The following SPAG16 variants were observed in gnomAD, a reference collection of about 807,000 sequenced individuals.
SPAG16 encodes the protein sperm-associated antigen 16 protein.
SPAG16 carries 86 observed loss-of-function variants against 80.4 expected under a neutral mutation model. The observed-to-expected ratio is 1.07, with a 90% CI of 0.90 to 1.28. SPAG16 has a LOEUF of 1.28. Ranked by LOEUF, SPAG16 falls within the 50% of genes most tolerant of loss-of-function variation. The pLI, the probability that SPAG16 is intolerant of heterozygous loss-of-function variation, is 0.00. For missense variants in SPAG16, 870 were observed against 765.3 expected, an observed-to-expected ratio of 1.14 and a Z score of -1.61; for synonymous variants, 294 against 265.9, an observed-to-expected ratio of 1.11 and a Z score of -1.03.
intron 12 of SPAG16, among the ~76,000 whole-genome samples, chr2:214,012,559 T>C (rs185819313): frequency 1.6e-3 from 241 of 151,918 alleles, no homozygotes; most frequent in African/African-American, 5.7e-3. Flanking sequence ...CCTCCCAAAG[T>C]GGTTGGATTA....
chr2:213,673,064 C>T (rs894543315), intron 10 of SPAG16, among the ~76,000 whole-genome samples: 5 of 151,894 alleles, frequency 3.3e-5, no homozygotes, highest in East Asian at 1.9e-4. Context: ...TAATAATGTG[C>T]GTGTGGATAT....
At chr2:214,317,984 A>G (rs1055851993) in intron 15 of SPAG16, among the ~76,000 whole-genome samples, 5 of 152,228 alleles carry the variant, frequency 3.3e-5, no homozygotes, top group African/African-American at 1.2e-4. Flanking sequence ...GGCAAAAAAG[A>G]ATTAGGATGT....
At chr2:213,709,089 A>T (rs2065873730) in intron 10 of SPAG16, among the ~76,000 whole-genome samples, 1 of 152,222 alleles carries the variant, frequency 6.6e-6, no homozygotes, top group Non-Finnish European at 1.5e-5. Context: ...AAAAGGTCCC[A>T]AACTATAATG....
chr2:213,746,661 G>A (rs1341938302), intron 10 of SPAG16, among the ~76,000 whole-genome samples: 1 of 152,106 alleles, frequency 6.6e-6, no homozygotes, highest in African/African-American at 2.4e-5. Flanking sequence ...ACAAAAATTA[G>A]CTGGGCGTGG....
intron 12 of SPAG16, among the ~76,000 whole-genome samples, chr2:213,938,795 T>C (rs2079088896): frequency 1.3e-5 from 2 of 152,092 alleles, no homozygotes; most frequent in Non-Finnish European, 2.9e-5. Flanking sequence ...AGCATTAAAC[T>C]AAATATTTTC....
intron 13 of SPAG16, among the ~76,000 whole-genome samples, chr2:214,027,336 G>A (rs1197086577): frequency 6.6e-6 from 1 of 151,466 alleles, no homozygotes; most frequent in Non-Finnish European, 1.5e-5. Flanking sequence ...TATTATCAAT[G>A]TATTATACAT....
Position 213,810,610 on chromosome 2 carries a change from A to T in SPAG16, c.1071-51875A>T, listed in dbSNP as rs115726186. Among the ~76,000 whole-genome samples the T allele has an allele frequency of 6.2e-3, 947 of 152,306 alleles. 12 individuals carry two copies. Among genetic ancestry groups the T allele is most frequent in the African/African-American group, 0.021 (862 of 41,572 alleles). ...AATACATAAGATAATTTGAAGATATAGAGGACAATTCAGAAGAGTTTGAGG... is the reference window on the plus strand; with the variant it reads ...AATACATAAGATAATTTGAAGATATTGAGGACAATTCAGAAGAGTTTGAGG... On this transcript the variant is annotated intron_variant, in intron 10 of 15. Coordinates refer to ENST00000331683, the MANE Select transcript of SPAG16 (RefSeq NM_024532.5).
At position 214,119,401 on chromosome 2, in the gene SPAG16, A is replaced by G. The variant is rs560550660; in HGVS notation, c.1593+11140A>G. ...GCAAAGCCAAAACCAAAAAAGGAAGATGACAGTAATTTCCAGAAAATTATT... is the reference window on the plus strand; with the variant it reads ...GCAAAGCCAAAACCAAAAAAGGAAGGTGACAGTAATTTCCAGAAAATTATT... On this transcript the variant is annotated intron_variant, in intron 14 of 15. Transcript: ENST00000331683. Among the ~76,000 whole-genome samples, 3 of 152,274 alleles carry G rather than the reference A, an allele frequency of 2.0e-5. No homozygotes were observed. The South Asian group carries it at 6.2e-4, about 32-fold the overall frequency.
chr2:213,630,375 C>T (rs1333835156), intron 10 of SPAG16, among the ~76,000 whole-genome samples: 2 of 149,404 alleles, frequency 1.3e-5, no homozygotes. Flanking sequence ...CAGAGCAAGA[C>T]TCCATCTCAA....
chr2:213,926,601 AT>A (rs1464047245), intron 11 of SPAG16, among the ~76,000 whole-genome samples: 2 of 151,970 alleles, frequency 1.3e-5, no homozygotes, highest in Non-Finnish European at 2.9e-5. Context: ...CAATAATTTT[AT>A]TTTTAAAATT....
chr2:214,267,793 GA>G (rs530520949), intron 15 of SPAG16, among the ~76,000 whole-genome samples: 36 of 151,412 alleles, frequency 2.4e-4, no homozygotes, highest in Admixed American at 2.0e-3. Flanking sequence ...CACAGAAATA[GA>G]AAAAAAATCC....
chr2:214,036,597 A>G (rs1386465375), intron 13 of SPAG16, among the ~76,000 whole-genome samples: 1 of 152,214 alleles, frequency 6.6e-6, no homozygotes, highest in African/African-American at 2.4e-5. Flanking sequence ...CCAACATAGC[A>G]GGATAATTGT....
At chr2:214,289,766 G>A (rs1693653816) in intron 15 of SPAG16, among the ~76,000 whole-genome samples, 1 of 145,830 alleles carries the variant, frequency 6.9e-6, no homozygotes, top group South Asian at 2.1e-4. Context: ...TGTGGAAAGT[G>A]ACATTCTTAC....
chr2:213,969,310 C>T (rs1185688925), intron 12 of SPAG16, among the ~76,000 whole-genome samples: 1 of 152,156 alleles, frequency 6.6e-6, no homozygotes, highest in Admixed American at 6.5e-5. Flanking sequence ...CTATGACTTA[C>T]ATATTTTTGA....
At chr2:214,130,782 C>T (rs2054727125) in intron 14 of SPAG16, among the ~76,000 whole-genome samples, 1 of 152,156 alleles carries the variant, frequency 6.6e-6, no homozygotes, top group East Asian at 1.9e-4. Context: ...AGTAAACTCA[C>T]ATGAGAGTCA....
At chr2:214,243,432 A>G (rs747621365) in intron 15 of SPAG16, among the ~76,000 whole-genome samples, 2 of 152,126 alleles carry the variant, frequency 1.3e-5, no homozygotes, top group African/African-American at 2.4e-5. Context: ...AAATTTAACT[A>G]TAGTACCTGG....
chr2:213,336,828 G>T (rs1421901261), intron 5 of SPAG16, among the ~76,000 whole-genome samples: 1 of 152,150 alleles, frequency 6.6e-6, no homozygotes, highest in East Asian at 1.9e-4. Context: ...AGAGTCAGGG[G>T]AGCCCAGATG....
chr2:214,302,227 G>A (rs1455202598), intron 15 of SPAG16, among the ~76,000 whole-genome samples: 3 of 152,042 alleles, frequency 2.0e-5, no homozygotes, highest in Non-Finnish European at 4.4e-5. Context: ...AATGTTCTAC[G>A]CACAGATAAT....
intron 15 of SPAG16, among the ~76,000 whole-genome samples, chr2:214,383,554 G>A (rs1026747992): frequency 1.5e-4 from 21 of 144,118 alleles, no homozygotes; most frequent in African/African-American, 5.3e-4. Flanking sequence ...CTGGGCAACA[G>A]AGTGAGACTT....
Sources: gnomAD v4.1 joint callset for allele counts (sites outside exome capture counted in the v4.1 genomes callset) on GRCh38, gnomAD v4.1.1 for gene constraint, MANE v1.5 for transcripts, NCBI Gene and HGNC (gene_info 2026-07-23, HGNC 2026-07-21) for gene names.